Variants in MAPK10 observed in about 807,000 individuals in gnomAD.
MAPK10 encodes the protein mitogen-activated protein kinase 10.
Under a neutral mutation model 59.3 loss-of-function variants are expected in MAPK10, and 25 were observed. The ratio of observed to expected loss-of-function variants is 0.42; its 90% confidence interval spans 0.31 to 0.59. The LOEUF (loss-of-function observed/expected upper bound fraction) is 0.59. Among genes scored for constraint, MAPK10 ranks in the 20% least tolerant of loss-of-function variants. The probability of loss-of-function intolerance (pLI) is 0.15; values close to 1 mark genes in which losing one functional copy is unlikely to be tolerated. For synonymous variants in MAPK10, 190 were observed against 200.5 expected (o/e 0.95, Z 0.44); for missense variants, 351 against 568.9 (o/e 0.62, Z 3.90).
intron 1 of MAPK10, among the ~76,000 whole-genome samples, chr4:86,479,970 A>G (rs1753460956): frequency 6.6e-6 from 1 of 151,844 alleles, no homozygotes; most frequent in African/African-American, 2.4e-5. Context: ...AACATCGCCC[A>G]TTATCTCTCC....
intron 2 of MAPK10, among the ~76,000 whole-genome samples, chr4:86,283,355 T>C (rs1264697046): frequency 1.3e-5 from 2 of 152,218 alleles, no homozygotes; most frequent in Non-Finnish European, 2.9e-5. Context: ...ATCAATATAA[T>C]CTACCAGCAG....
chr4:86,235,966 G>A (rs2092178861), intron 2 of MAPK10, among the ~76,000 whole-genome samples: 1 of 152,160 alleles, frequency 6.6e-6, no homozygotes, highest in Admixed American at 6.5e-5. Flanking sequence ...CAAGGGGTTG[G>A]CAGGGATAGT....
chr4:86,382,960 A>G (rs973693398), intron 1 of MAPK10, among the ~76,000 whole-genome samples: 2 of 152,138 alleles, frequency 1.3e-5, no homozygotes, highest in African/African-American at 4.8e-5. Flanking sequence ...TATTTTCCTC[A>G]TCAGTAGAAT....
At chr4:86,422,924 C>T (rs1314963214) in intron 1 of MAPK10, among the ~76,000 whole-genome samples, 1 of 152,048 alleles carries the variant, frequency 6.6e-6, no homozygotes, top group Non-Finnish European at 1.5e-5. Context: ...AATTCTTTCT[C>T]CAGTCTTTGT....
chr4:86,501,682 A>G (rs922548353), intron 1 of MAPK10, among the ~76,000 whole-genome samples: 1 of 146,148 alleles, frequency 6.8e-6, no homozygotes, highest in Non-Finnish European at 1.5e-5. Context: ...GTGTGCATGC[A>G]CACACACACA....
chr4:86,505,774 G>C (rs1755695602), intron 1 of MAPK10, among the ~76,000 whole-genome samples: 1 of 152,046 alleles, frequency 6.6e-6, no homozygotes, highest in Non-Finnish European at 1.5e-5. Context: ...CCTTTAGCTG[G>C]ATTCACAAAC....
intron 1 of MAPK10, among the ~76,000 whole-genome samples, chr4:86,520,253 A>G (rs1757014672): frequency 6.6e-6 from 1 of 152,158 alleles, no homozygotes; most frequent in Admixed American, 6.5e-5. Flanking sequence ...AACACCAATT[A>G]TTCTTATGTT....
chr4:86,292,927 C>G (rs2095266317), intron 2 of MAPK10, among the ~76,000 whole-genome samples: 1 of 152,146 alleles, frequency 6.6e-6, no homozygotes, highest in African/African-American at 2.4e-5. Flanking sequence ...GGCTACACCC[C>G]TCCTCTTATG....
chr4:86,115,781 C>G (rs919710956), intron 4 of MAPK10, among the ~76,000 whole-genome samples: 3 of 152,172 alleles, frequency 2.0e-5, no homozygotes, highest in African/African-American at 4.8e-5. Flanking sequence ...TCTAATCAGC[C>G]ATCTTGGCTC....
At chr4:86,492,708 CTAAAA>C (rs1210647577) in intron 1 of MAPK10, among the ~76,000 whole-genome samples, 1 of 152,184 alleles carries the variant, frequency 6.6e-6, no homozygotes, top group Non-Finnish European at 1.5e-5. Context: ...TTCTCCTGAT[CTAAAA>C]TTACCATGGT....
At chr4:86,336,894 C>A (rs2148928158) in intron 2 of MAPK10, among the ~76,000 whole-genome samples, 1 of 149,054 alleles carries the variant, frequency 6.7e-6, no homozygotes, top group Non-Finnish European at 1.5e-5. Context: ...AGGTTCACAC[C>A]ATTCTCCTGC....
intron 9 of MAPK10, among the ~76,000 whole-genome samples, chr4:86,088,322 G>T (rs1164758680): frequency 6.6e-6 from 1 of 152,078 alleles, no homozygotes. Flanking sequence ...TGAGACTACA[G>T]GGACTTTCAC....
chr4:86,346,298 G>A (rs1039954587), intron 2 of MAPK10, among the ~76,000 whole-genome samples: 3 of 152,054 alleles, frequency 2.0e-5, no homozygotes, highest in East Asian at 1.9e-4. Context: ...GTTCAAACCC[G>A]TTATATAAAA....
chr4:86,142,310 T>C (rs1562265669), intron 4 of MAPK10, among the ~76,000 whole-genome samples: 1 of 152,162 alleles, frequency 6.6e-6, no homozygotes, highest in African/African-American at 2.4e-5. Flanking sequence ...GCTGCGTTAA[T>C]GGACAAGCCT....
chr4:86,531,940 G>A (rs982998253), intron 1 of MAPK10, among the ~76,000 whole-genome samples: 2 of 151,948 alleles, frequency 1.3e-5, no homozygotes, highest in Admixed American at 6.6e-5. Context: ...TGTAATCCCA[G>A]CTATTCAGGG....
At chr4:86,037,012 C>A (rs1036946562) in intron 11 of MAPK10, among the ~76,000 whole-genome samples, 1 of 152,142 alleles carries the variant, frequency 6.6e-6, no homozygotes, top group African/African-American at 2.4e-5. Flanking sequence ...TGAGACAGCA[C>A]GTCAGCATTT....
At chr4:86,397,686 C>G (rs1298470712) in intron 1 of MAPK10, among the ~76,000 whole-genome samples, 1 of 151,946 alleles carries the variant, frequency 6.6e-6, no homozygotes, top group Non-Finnish European at 1.5e-5. Context: ...TGTTCTTGCA[C>G]CTATCATTCT....
chr4:86,547,330 TG>T lies in MAPK10; in HGVS notation c.-263+46579del, dbSNP rs543935792. Among the ~76,000 whole-genome samples the T allele has an allele frequency of 1.5e-3, 225 of 152,256 alleles. 4 individuals carry two copies. The South Asian group carries it at 0.018, about 12-fold the overall frequency. On this transcript the variant is annotated intron_variant, in intron 1 of 4. Coordinates refer to the MAPK10 transcript ENST00000502302. ...CCAGGAGGTGTGGAGGGAGAGGCGC[TG>T]GGGGGAACCAGGACTGCGCGAGTTC...
At chr4:86,078,922 C>A (rs1015169891) in intron 9 of MAPK10, among the ~76,000 whole-genome samples, 3 of 152,054 alleles carry the variant, frequency 2.0e-5, no homozygotes, top group Non-Finnish European at 4.4e-5. Flanking sequence ...CCATGAGGCA[C>A]AGGTTGCAGT....
Sources: gnomAD v4.1 joint callset for allele counts (sites outside exome capture counted in the v4.1 genomes callset) on GRCh38, gnomAD v4.1.1 for gene constraint, MANE v1.5 for transcripts, NCBI Gene and HGNC (gene_info 2026-07-23, HGNC 2026-07-21) for gene names.